Variants in FGF14 observed in about 807,000 individuals in gnomAD.
FGF14 encodes the protein fibroblast growth factor homologous factor 4.
A neutral mutation model predicts 25.5 loss-of-function variants in FGF14; 5 were observed. The ratio of observed to expected loss-of-function variants is 0.20; its 90% CI spans 0.10 to 0.41. FGF14 has a LOEUF of 0.41. Among genes scored for constraint, FGF14 ranks in the 10% least tolerant of loss-of-function variants. FGF14 has a pLI of 1.00. For missense variants in FGF14, 222 were observed against 320.1 expected (o/e 0.69, Z 2.34); for synonymous variants, 138 against 118.3 (o/e 1.17, Z -1.08).
At chr13:101,847,276 A>G (rs1006608305) in intron 3 of FGF14, among the ~76,000 whole-genome samples, 2 of 152,058 alleles carry the variant, frequency 1.3e-5, no homozygotes, top group Non-Finnish European at 2.9e-5. Flanking sequence ...GTCAGTGATC[A>G]CTGCCTCTGA....
rs2057972309 is a variant in FGF14 at position 102,374,362 on chromosome 13, T to C, written c.208+27109A>G. Among the ~76,000 whole-genome samples the C allele has an allele frequency of 2.0e-5, 3 of 151,766 alleles. No individual in the cohort carries two copies. The South Asian group carries it at 6.2e-4, about 31-fold the overall frequency. On this transcript the variant is annotated intron_variant, in intron 1 of 4. Transcript: ENST00000376131. ...CAAAAATGTGGGTACTGAACATTTA[T>C]TAATGAGTAAGCCAGAGTCAGATTT...
At chr13:102,147,990 T>C (rs1490443008) in intron 1 of FGF14, among the ~76,000 whole-genome samples, 3 of 152,340 alleles carry the variant, frequency 2.0e-5, no homozygotes, top group Admixed American at 6.5e-5. Context: ...ATGTAGCAAT[T>C]TCCCATACCT....
intron 1 of FGF14, among the ~76,000 whole-genome samples, chr13:102,239,310 C>T (rs1294877221): frequency 2.0e-5 from 3 of 152,090 alleles, no homozygotes; most frequent in South Asian, 2.1e-4. Context: ...ACTTATCAGA[C>T]GAACTAAAGA....
At chr13:102,010,409 C>A (rs2040016477) in intron 1 of FGF14, among the ~76,000 whole-genome samples, 1 of 152,090 alleles carries the variant, frequency 6.6e-6, no homozygotes. Context: ...ATGTGACTAT[C>A]CCACAGAGAT....
Position 101,714,268 on chromosome 13 carries a change from A to G in FGF14, c.*8563T>C. The G allele has an allele frequency of 1.7e-6, 1 of 604,844 alleles. No individual in the cohort carries two copies. Among genetic ancestry groups the G allele is most frequent in the Non-Finnish European group, 3.0e-6 (1 of 337,688 alleles). The allele number at this position is 604,844 out of a possible 1,614,324, so 37.5% of individuals were successfully genotyped here. On this transcript the variant is annotated 3_prime_UTR_variant, in exon 5 of 5. Transcript: ENST00000376143. ...ATGAAGGCTTTCCTGGGTGACCTTT[A>G]TGAATTACAGTAAGTAAAGCTCCCC...
At chr13:101,953,870 G>C (rs2139410290) in intron 1 of FGF14, among the ~76,000 whole-genome samples, 1 of 152,178 alleles carries the variant, frequency 6.6e-6, no homozygotes, top group East Asian at 1.9e-4. Flanking sequence ...GGTTACAGGA[G>C]TGAGTCACCG....
At chr13:102,236,730 A>T (rs2051343337) in intron 1 of FGF14, among the ~76,000 whole-genome samples, 1 of 152,196 alleles carries the variant, frequency 6.6e-6, no homozygotes, top group Admixed American at 6.5e-5. Flanking sequence ...AAAGCTAACA[A>T]GTAAGCGTGT....
chr13:102,364,183 A>T (rs2057645130), intron 1 of FGF14, among the ~76,000 whole-genome samples: 2 of 152,242 alleles, frequency 1.3e-5, no homozygotes, highest in South Asian at 4.1e-4. Context: ...AAATGTGCAC[A>T]TCTGTAATAA....
intron 1 of FGF14, among the ~76,000 whole-genome samples, chr13:102,148,918 C>T (rs1448288162): frequency 2.0e-5 from 3 of 152,160 alleles, no homozygotes; most frequent in African/African-American, 4.8e-5. Flanking sequence ...CACTGACCAG[C>T]GCGTACCTGG....
intron 1 of FGF14, among the ~76,000 whole-genome samples, chr13:102,040,504 C>A (rs2041681926): frequency 6.6e-6 from 1 of 152,056 alleles, no homozygotes; most frequent in Admixed American, 6.5e-5. Context: ...ATCTTTGAGC[C>A]CTGACTTACA....
At chr13:101,976,532 A>G (rs1277314674) in intron 1 of FGF14, among the ~76,000 whole-genome samples, 7 of 152,112 alleles carry the variant, frequency 4.6e-5, no homozygotes, top group Admixed American at 3.9e-4. Context: ...ACATGGGTGT[A>G]TTGTACCCAA....
intron 1 of FGF14, among the ~76,000 whole-genome samples, chr13:102,064,602 A>C (rs1439230915): frequency 3.9e-5 from 6 of 152,074 alleles, no homozygotes; most frequent in African/African-American, 1.4e-4. Context: ...CTTAAAATAA[A>C]GGCATTTTCT....
chr13:102,360,104 A>C (rs2057525590), intron 1 of FGF14, among the ~76,000 whole-genome samples: 1 of 152,206 alleles, frequency 6.6e-6, no homozygotes, highest in African/African-American at 2.4e-5. Flanking sequence ...TTGCCCCTTC[A>C]GCCATTCTAA....
At chr13:102,287,041 T>A (rs1021526291) in intron 1 of FGF14, among the ~76,000 whole-genome samples, 3 of 152,064 alleles carry the variant, frequency 2.0e-5, no homozygotes, top group African/African-American at 7.2e-5. Flanking sequence ...GACGAGTTAA[T>A]GGATGCAGCA....
intron 2 of FGF14, among the ~76,000 whole-genome samples, chr13:101,872,520 C>T (rs1351528360): frequency 6.6e-6 from 1 of 151,844 alleles, no homozygotes; most frequent in Non-Finnish European, 1.5e-5. Flanking sequence ...TCATAAGATT[C>T]ATGAGACTAT....
At chr13:102,133,036 G>T (rs961605729) in intron 1 of FGF14, among the ~76,000 whole-genome samples, 2 of 152,112 alleles carry the variant, frequency 1.3e-5, no homozygotes, top group Non-Finnish European at 2.9e-5. Flanking sequence ...AAAACTGAAA[G>T]CCTTTCTATT....
chr13:102,234,719 T>C (rs545307696), intron 1 of FGF14, among the ~76,000 whole-genome samples: 2 of 152,298 alleles, frequency 1.3e-5, no homozygotes, highest in South Asian at 4.1e-4. Context: ...TATATATACA[T>C]ATATATGTCA....
rs114328040 is a variant in FGF14 at position 102,103,186 on chromosome 13, G to A, written c.209-227890C>T. ...TAAACTCTGTAGAACAACCAAGTAG[G>A]AGAATGAATACCAATGGTAAGTCAC... On this transcript the variant is annotated intron_variant, in intron 1 of 4. Coordinates refer to the FGF14 transcript ENST00000376131. Among the ~76,000 whole-genome samples, 196 of 152,222 alleles carry A rather than the reference G, an allele frequency of 1.3e-3. 2 individuals carry two copies. Among genetic ancestry groups the A allele is most frequent in the African/African-American group, 4.4e-3 (184 of 41,540 alleles).
intron 3 of FGF14, among the ~76,000 whole-genome samples, chr13:101,795,323 C>G (rs2040459280): frequency 6.6e-6 from 1 of 151,990 alleles, no homozygotes. Flanking sequence ...GAGAGAAAGT[C>G]CTTTTAGGAC....
Sources: allele counts gnomAD v4.1 joint callset (sites outside exome capture counted in the v4.1 genomes callset), GRCh38; gene constraint gnomAD v4.1.1; transcripts MANE v1.5; gene names NCBI Gene and HGNC (gene_info 2026-07-23, HGNC 2026-07-21).